Variants in NLRC5 observed in about 807,000 individuals in gnomAD.
The protein encoded by NLRC5 is protein NLRC5.
Under a neutral mutation model 206.9 loss-of-function variants are expected in NLRC5, and 114 were observed. The observed-to-expected ratio is 0.55, with a 90% CI of 0.47 to 0.64. NLRC5 has a LOEUF of 0.64. Among genes scored for constraint, NLRC5 ranks in the 30% least tolerant of loss-of-function variants. NLRC5 has a pLI of 0.00. For missense variants in NLRC5, 2,008 were observed against 2,305.5 expected (o/e 0.87, Z 2.64); for synonymous variants, 952 against 962.8 (o/e 0.99, Z 0.21).
At chr16:57,005,041 C>T (rs1461453390) in intron 1 of NLRC5, among the ~76,000 whole-genome samples, 3 of 152,248 alleles carry the variant, frequency 2.0e-5, no homozygotes, top group Non-Finnish European at 2.9e-5. Flanking sequence ...TTTCTCTCAG[C>T]GCCCCCATTT....
intron 46 of NLRC5, among the ~76,000 whole-genome samples, chr16:57,080,054 G>A (rs540529327): frequency 2.6e-4 from 40 of 152,254 alleles, no homozygotes; most frequent in Non-Finnish European, 3.8e-4. Context: ...GGCTGGCCGT[G>A]CTTGGCTGTC....
chr16:57,082,364 G>A lies in NLRC5; in HGVS notation c.5490-53G>A, dbSNP rs1227905378. Reference sequence around the variant, plus strand: ...CCTCAGCCTCCCAATCTGCAGATACGACAGATGGCAAAGATGGGAGGATGA... The same window carrying A: ...CCTCAGCCTCCCAATCTGCAGATACAACAGATGGCAAAGATGGGAGGATGA... On this transcript the variant is annotated intron_variant, in intron 48 of 48. Transcript: ENST00000688547. The A allele has an allele frequency of 1.3e-5, 19 of 1,421,152 alleles. No homozygotes were observed. The East Asian group carries it at 2.6e-4, about 19-fold the overall frequency. 88.0% of individuals were successfully genotyped at this position (1,421,152 alleles called of 1,614,324 possible). A position where few individuals can be genotyped will look rare whatever the true frequency, so the allele number is the denominator to read the frequency against.
rs780296716 is a variant in NLRC5, at chr16:57,061,481, G to A, written c.4020G>A (p.Val1340=). The A allele has an allele frequency of 6.8e-6, 11 of 1,611,116 alleles. No individual in the cohort carries two copies. In the African/African-American group the frequency reaches 8.0e-5, roughly 12 times the overall value. Residue 1340 remains valine (V), a synonymous_variant, in exon 31 of 49, where the codon GTG becomes GTA. Transcript: ENST00000688547. ...AGTGCAGCTTCCGGCCAGAGCACGT[G>A]TCCAGGCTGGCCACCGGCTTGAGCA... ...LSECSFRPEH[V]SRLATGLSKS...
At chr16:57,031,582 C>A in intron 11 of NLRC5, 119 bp downstream of exon 11, 2 of 909,912 alleles carry the variant, frequency 2.2e-6, no homozygotes, top group Non-Finnish European at 3.5e-6. Flanking sequence ...ATTCTTCCTG[C>A]TACTGCTGCA....
chr16:57,066,671 G>C, intron 34 of NLRC5, 57 bp downstream of exon 34: 1 of 1,471,380 alleles, frequency 6.8e-7, no homozygotes, highest in Non-Finnish European at 9.5e-7. Context: ...AGGGGGCAGG[G>C]CTGCTTCTGA....
At chr16:57,028,906 A>G (rs1223533119) in intron 8 of NLRC5, among the ~76,000 whole-genome samples, 1 of 152,194 alleles carries the variant, frequency 6.6e-6, no homozygotes, top group Non-Finnish European at 1.5e-5. Flanking sequence ...GCTTGTATGC[A>G]CAAATATACT....
rs754248411 is a variant in NLRC5 at position 57,037,301 on chromosome 16, A to G, written c.2801+17A>G. ...GCACATCAGGTGGGAGCTCCCTCAG[A>G]CCACGGTACCCATCCCCCCCCCCAT... On this transcript the variant is annotated intron_variant, in intron 15 of 48. Transcript: ENST00000688547. 6.9e-6 allele frequency: 11 copies of G among 1,599,000 alleles called. No individual in the cohort carries two copies. The highest frequency in any genetic ancestry group is 9.4e-6 in the Non-Finnish European group (11 of 1,173,816).
intron 20 of NLRC5, chr16:57,043,858 C>G: frequency 1.8e-6 from 1 of 546,808 alleles, no homozygotes; most frequent in East Asian, 3.1e-5. Context: ...CTCTGCCTCA[C>G]TCGTTCTTTG....
At position 57,043,604 on chromosome 16, in the gene NLRC5, G is replaced by A; in HGVS notation, c.3203G>A (p.Ser1068Asn). 2 of 1,613,332 alleles carry A rather than the reference G, an allele frequency of 1.2e-6. No individual in the cohort carries two copies. Among genetic ancestry groups the A allele is most frequent in the Non-Finnish European group, 1.7e-6 (2 of 1,179,300 alleles). ...CAGTGGCTCTTCCGCTTGGACATCA[G>A]GTGAGCGTGCCTCTCCGCCCCCAGC... ...TLQWLFRLDI[S>N]FESQHILLRG... The change falls in exon 20 of 49, where the codon AGC becomes AAC. Residue 1068 changes from serine to asparagine, a missense_variant and splice_region_variant. Physicochemically the swap from Ser to Asn is conservative, Grantham distance 46 (BLOSUM62 1). Transcript: ENST00000688547.
chr16:57,068,144 T>G (rs1181797701), intron 36 of NLRC5, among the ~76,000 whole-genome samples: 1 of 152,172 alleles, frequency 6.6e-6, no homozygotes, highest in African/African-American at 2.4e-5. Context: ...AAATTCACCC[T>G]TAGAGCTGGG....
intron 24 of NLRC5, 60 bp downstream of exon 24, chr16:57,051,681 C>A: frequency 7.3e-7 from 1 of 1,373,026 alleles, no homozygotes; most frequent in Non-Finnish European, 1.0e-6. Flanking sequence ...AAGGCTCCTC[C>A]ATGGCAAAGC....
intron 10 of NLRC5, among the ~76,000 whole-genome samples, chr16:57,030,450 GGATGGATGGA>G (rs2061714379): frequency 1.5e-5 from 2 of 134,380 alleles, no homozygotes; most frequent in South Asian, 2.6e-4. Flanking sequence ...ATGGATGGAT[GGATGGATGGA>G]TGGATGAAAA....
chr16:57,022,889 C>A (rs1048283879), intron 4 of NLRC5, among the ~76,000 whole-genome samples: 2 of 152,254 alleles, frequency 1.3e-5, no homozygotes, highest in Non-Finnish European at 2.9e-5. Context: ...AGAAAACCCA[C>A]CCTATAACCT....
At chr16:57,016,280 A>G (rs918101813) in intron 1 of NLRC5, among the ~76,000 whole-genome samples, 1 of 152,222 alleles carries the variant, frequency 6.6e-6, no homozygotes, top group Non-Finnish European at 1.5e-5. Context: ...GGACCTCTTC[A>G]AAAGATCTCT....
chr16:57,050,971 G>A (rs2064817770), intron 23 of NLRC5, among the ~76,000 whole-genome samples: 1 of 152,072 alleles, frequency 6.6e-6, no homozygotes, highest in African/African-American at 2.4e-5. Context: ...CCATGCCTCA[G>A]CCTCCTGAGT....
chr16:57,025,826 CT>C lies in NLRC5; in HGVS notation c.884del (p.Leu295ArgfsTer10). 1 of 1,614,244 alleles carries C rather than the reference CT, an allele frequency of 6.2e-7. No individual in the cohort carries two copies. The highest frequency in any genetic ancestry group is 8.5e-7 in the Non-Finnish European group (1 of 1,180,050). ...ESDHDTVFQY[L>X]EKNADQVLLI... The stretch of plus-strand genomic sequence containing the variant: ...GGACCACGACACTGTCTTCCAGTAC[CT>C]GGAGAAGAACGCTGACCAAGTCCTG... On this transcript the variant is annotated frameshift_variant, in exon 6 of 49. Coordinates refer to ENST00000688547, the MANE Select transcript of NLRC5 (RefSeq NM_001384950.1). LOFTEE classifies it high-confidence loss of function.
At chr16:57,000,517 G>C (rs1474667907) in intron 1 of NLRC5, among the ~76,000 whole-genome samples, 1 of 152,076 alleles carries the variant, frequency 6.6e-6, no homozygotes, top group Non-Finnish European at 1.5e-5. Flanking sequence ...GCAGGCTCAG[G>C]AACATCCCCA....
chr16:57,074,496 G>A, intron 38 of NLRC5, 104 bp from the exon 39 acceptor site: 8 of 924,054 alleles, frequency 8.7e-6, no homozygotes, highest in Non-Finnish European at 1.4e-5. Context: ...ATAAGTGGCT[G>A]TCTTGGAGGT....
chr16:57,067,915 G>A, intron 36 of NLRC5, 87 bp downstream of exon 36: 2 of 1,061,960 alleles, frequency 1.9e-6, no homozygotes, highest in Non-Finnish European at 2.9e-6. Flanking sequence ...GGGCTCAGAG[G>A]ACTCTTACTC....
Sources: gnomAD v4.1 joint callset for allele counts (sites outside exome capture counted in the v4.1 genomes callset) on GRCh38, gnomAD v4.1.1 for gene constraint, MANE v1.5 for transcripts, NCBI Gene and HGNC (gene_info 2026-07-23, HGNC 2026-07-21) for gene names.